TRERF1: variants seen among roughly 807,000 people sequenced by gnomAD.
TRERF1 encodes the protein transcriptional regulating factor 1, also known as transcriptional-regulating factor 1.
In TRERF1, 27 loss-of-function variants were observed where a neutral mutation model predicts 122.9. The ratio of observed to expected loss-of-function variants is 0.22; its 90% confidence interval spans 0.16 to 0.30. TRERF1 has a LOEUF of 0.30. Among genes scored for constraint, TRERF1 ranks in the 10% least tolerant of loss-of-function variants. The probability of loss-of-function intolerance (pLI) is 1.00; values close to 1 mark genes in which losing one functional copy is unlikely to be tolerated. For synonymous variants in TRERF1, 636 were observed against 641.7 expected, an observed-to-expected ratio of 0.99 and a Z score of 0.13; for missense variants, 1,248 against 1,560.3, an observed-to-expected ratio of 0.80 and a Z score of 3.37.
intron 13 of TRERF1, among the ~76,000 whole-genome samples, chr6:42,253,888 G>A (rs1262104381): frequency 1.3e-5 from 2 of 152,210 alleles, no homozygotes; most frequent in Non-Finnish European, 2.9e-5. Flanking sequence ...ACCTGCCTAG[G>A]CAGGGTCTGC....
At chr6:42,327,046 T>C (rs1764408652) in intron 3 of TRERF1, among the ~76,000 whole-genome samples, 1 of 152,124 alleles carries the variant, frequency 6.6e-6, no homozygotes, top group Admixed American at 6.5e-5. Flanking sequence ...CCTTGAGACA[T>C]CTAAGAATCC....
At chr6:42,443,439 T>C (rs976202777) in intron 2 of TRERF1, among the ~76,000 whole-genome samples, 8 of 152,244 alleles carry the variant, frequency 5.3e-5, no homozygotes, top group African/African-American at 1.2e-4. Context: ...TAAGGGCTAA[T>C]GACTGCTTTT....
At chr6:42,324,191 T>C (rs1763909001) in intron 3 of TRERF1, among the ~76,000 whole-genome samples, 1 of 152,060 alleles carries the variant, frequency 6.6e-6, no homozygotes, top group Admixed American at 6.6e-5. Flanking sequence ...CAGGAATACA[T>C]CTAACAAAGG....
At chr6:42,334,166 CAAAG>C (rs1174919832) in intron 3 of TRERF1, among the ~76,000 whole-genome samples, 1 of 140,454 alleles carries the variant, frequency 7.1e-6, no homozygotes, top group Non-Finnish European at 1.6e-5. Flanking sequence ...AAAAATAAAA[CAAAG>C]AAAACTTTGG....
At chr6:42,314,390 C>T (rs1056586281) in intron 3 of TRERF1, among the ~76,000 whole-genome samples, 4 of 152,164 alleles carry the variant, frequency 2.6e-5, no homozygotes, top group Non-Finnish European at 4.4e-5. Flanking sequence ...CAAGCTCACC[C>T]GATGCTTTCA....
chr6:42,437,790 C>T (rs926750538), intron 2 of TRERF1, among the ~76,000 whole-genome samples: 1 of 152,146 alleles, frequency 6.6e-6, no homozygotes, highest in Admixed American at 6.5e-5. Context: ...TTTGTGCCTC[C>T]ATTTCCCCAC....
chr6:42,287,400 C>T (rs951518934), intron 4 of TRERF1, among the ~76,000 whole-genome samples: 22 of 152,160 alleles, frequency 1.4e-4, no homozygotes, highest in Middle Eastern at 6.8e-3. Flanking sequence ...TGAGGCGAAT[C>T]CCTCGACTGT....
At chr6:42,359,753 A>T (rs9381166) in intron 3 of TRERF1, among the ~76,000 whole-genome samples, 1 of 151,994 alleles carries the variant, frequency 6.6e-6, no homozygotes, top group Admixed American at 6.6e-5. Flanking sequence ...AACAAAAAAA[A>T]CCCCAAAAAT....
chr6:42,266,539 A>G (rs1779231166), intron 5 of TRERF1, among the ~76,000 whole-genome samples: 1 of 152,202 alleles, frequency 6.6e-6, no homozygotes, highest in African/African-American at 2.4e-5. Flanking sequence ...TCTTATATTT[A>G]CAAAGGCTCT....
chr6:42,389,028 G>A (rs144913580), intron 2 of TRERF1, among the ~76,000 whole-genome samples: 1 of 152,218 alleles, frequency 6.6e-6, no homozygotes, highest in Non-Finnish European at 1.5e-5. Context: ...GACACTCAGA[G>A]CAGGCCTTAA....
At chr6:42,256,348 G>A (rs1776747395) in intron 12 of TRERF1, among the ~76,000 whole-genome samples, 2 of 152,110 alleles carry the variant, frequency 1.3e-5, no homozygotes, top group African/African-American at 2.4e-5. Context: ...CCATAGTAGG[G>A]AAGAAGAATC....
At chr6:42,413,762 G>A (rs1781455928) in intron 2 of TRERF1, among the ~76,000 whole-genome samples, 1 of 152,140 alleles carries the variant, frequency 6.6e-6, no homozygotes. Context: ...CTAGACCCAA[G>A]GAGCTTCGTG....
In TRERF1 at chr6:42,299,514, G is replaced by T. The variant is rs138454279; in HGVS notation, c.-259+1124C>A. The stretch of plus-strand genomic sequence containing the variant: ...TTGCAAGGAGCAACTGACAAATCCA[G>T]TGGGAGGCTTTAACACACCTCTCTC... On this transcript the variant is annotated intron_variant, in intron 4 of 17. Coordinates refer to ENST00000372922, the Ensembl canonical transcript of TRERF1. Among the ~76,000 whole-genome samples the T allele has an allele frequency of 4.4e-4, 67 of 152,320 alleles. 1 individual carries two copies. The East Asian group carries it at 0.012, about 27-fold the overall frequency.
chr6:42,273,621 G>C (rs1780636536), intron 4 of TRERF1, among the ~76,000 whole-genome samples: 1 of 152,216 alleles, frequency 6.6e-6, no homozygotes, highest in South Asian at 2.1e-4. Context: ...AGGAGTTCAT[G>C]CTGGGACATC....
intron 3 of TRERF1, among the ~76,000 whole-genome samples, chr6:42,330,810 G>A (rs901861952): frequency 2.0e-5 from 3 of 152,230 alleles, no homozygotes; most frequent in African/African-American, 7.2e-5. Context: ...GGGACTGCAG[G>A]TGCATGCCAT....
At chr6:42,257,329 C>T (rs891692030) in intron 10 of TRERF1, among the ~76,000 whole-genome samples, 1 of 152,166 alleles carries the variant, frequency 6.6e-6, no homozygotes, top group African/African-American at 2.4e-5. Context: ...GGCAGTCGGC[C>T]TGGGGCTTTT....
At chr6:42,353,610 G>GA (rs921816240) in intron 3 of TRERF1, among the ~76,000 whole-genome samples, 72 of 148,222 alleles carry the variant, frequency 4.9e-4, no homozygotes, top group African/African-American at 1.7e-3. Context: ...ACAAACAAAC[G>GA]AAAAAAAAAG....
intron 2 of TRERF1, among the ~76,000 whole-genome samples, chr6:42,427,524 T>C (rs951641623): frequency 2.6e-5 from 4 of 150,982 alleles, no homozygotes; most frequent in African/African-American, 4.9e-5. Flanking sequence ...GCACTGGGAT[T>C]ACAGGTGTGA....
At chr6:42,233,367 G>C (rs938100704) in intron 16 of TRERF1, among the ~76,000 whole-genome samples, 27 of 146,706 alleles carry the variant, frequency 1.8e-4, no homozygotes, top group Non-Finnish European at 3.0e-4. Context: ...CTCACTGCAA[G>C]CTCCGCCTCC....
Sources: allele counts gnomAD v4.1 joint callset (sites outside exome capture counted in the v4.1 genomes callset), GRCh38; gene constraint gnomAD v4.1.1; transcripts MANE v1.5; gene names NCBI Gene and HGNC (gene_info 2026-07-23, HGNC 2026-07-21).